Variants in IPO8 observed in about 807,000 individuals in gnomAD.
The protein encoded by IPO8 is importin-8.
A neutral mutation model predicts 141.2 loss-of-function variants in IPO8; 65 were observed. That is an observed-to-expected ratio of 0.46 (90% CI 0.38 to 0.57). The LOEUF (loss-of-function observed/expected upper bound fraction) is 0.57, where lower values mean the gene tolerates loss of function less well. Ranked by LOEUF, IPO8 falls within the 20% of genes least tolerant of loss-of-function variation. The pLI is 0.00. For missense variants in IPO8, 980 were observed against 1,246.8 expected (o/e 0.79, Z 3.22); for synonymous variants, 411 against 420.3 (o/e 0.98, Z 0.27).
intron 20 of IPO8, among the ~76,000 whole-genome samples, chr12:30,644,974 G>A (rs2052625117): frequency 6.6e-6 from 1 of 151,926 alleles, no homozygotes; most frequent in Admixed American, 6.6e-5. Context: ...CTTTGAAAAT[G>A]GCAAATCGGC....
intron 16 of IPO8, among the ~76,000 whole-genome samples, chr12:30,660,656 G>A (rs1259938717): frequency 1.3e-5 from 2 of 152,116 alleles, no homozygotes; most frequent in Non-Finnish European, 2.9e-5. Context: ...GAATTCAGTT[G>A]AGTAAATATG....
At position 30,639,633 on chromosome 12, in the gene IPO8, A is replaced by G; in HGVS notation, c.2371T>C (p.Tyr791His). Residue 791 changes from tyrosine to histidine, a missense_variant, in exon 21 of 25, where the codon TAC (tyrosine) becomes CAC (histidine). Physicochemically the swap from Tyr to His is moderately conservative, Grantham distance 83. Transcript: ENST00000256079. ...MCLQVAIAAL[Y>H]YNPDLLLHTL... ...TGTAGCAGCAAATCAGGGTTGTAGT[A>G]CAAGGCAGCAATTGCAACCTGAAGA... The G allele has an allele frequency of 1.9e-6, 3 of 1,614,062 alleles. No homozygotes were observed. The highest frequency in any genetic ancestry group is 2.5e-6 in the Non-Finnish European group (3 of 1,179,908).
chr12:30,664,952 C>A (rs922827389), intron 13 of IPO8, among the ~76,000 whole-genome samples: 1 of 152,156 alleles, frequency 6.6e-6, no homozygotes, highest in Non-Finnish European at 1.5e-5. Flanking sequence ...GTTGGCCAGG[C>A]TGGTCTCAAA....
chr12:30,693,143 A>G (rs1178867598), intron 1 of IPO8, among the ~76,000 whole-genome samples: 1 of 152,226 alleles, frequency 6.6e-6, no homozygotes, highest in Non-Finnish European at 1.5e-5. Context: ...ATAATTTATT[A>G]AAAGAGGACA....
At chr12:30,662,302 T>A (rs778312765) in intron 15 of IPO8, 25 bp downstream of exon 15, 3 of 1,591,674 alleles carry the variant, frequency 1.9e-6, no homozygotes, top group Non-Finnish European at 2.6e-6. Context: ...CTAAACCAAA[T>A]TAACATAAAA....
At chr12:30,637,251 G>A in intron 21 of IPO8, 64 bp from the exon 22 acceptor site, 1 of 1,231,944 alleles carries the variant, frequency 8.1e-7, no homozygotes, top group Non-Finnish European at 1.2e-6. Context: ...AAATTCTGGA[G>A]AAACTACAAA....
In IPO8 at chr12:30,660,914, T is replaced by C. The variant is rs549340570; in HGVS notation, c.1881+227A>G. Among the ~76,000 whole-genome samples the C allele has an allele frequency of 1.8e-4, 22 of 121,752 alleles. 2 individuals are homozygous for C. The South Asian group carries it at 5.2e-3, about 29-fold the overall frequency. The allele number at this position is 121,752 out of a possible 152,430, so 79.9% of individuals were successfully genotyped here. On this transcript the variant is annotated intron_variant, in intron 16 of 24. Transcript: ENST00000256079. ...CAAGTTAATATAAAGGGATATACTA[T>C]ATACTTTATAATATTTACATTATAA...
At chr12:30,679,481 T>C (rs1335421305) in intron 5 of IPO8, among the ~76,000 whole-genome samples, 1 of 152,156 alleles carries the variant, frequency 6.6e-6, no homozygotes, top group African/African-American at 2.4e-5. Context: ...TGAATATTAT[T>C]TCAAAACAAG....
intron 1 of IPO8, among the ~76,000 whole-genome samples, chr12:30,692,402 G>A (rs1028251457): frequency 2.6e-5 from 4 of 152,002 alleles, no homozygotes; most frequent in African/African-American, 9.7e-5. Context: ...ATATTAACTT[G>A]GCCAGCTAAA....
intron 20 of IPO8, among the ~76,000 whole-genome samples, chr12:30,641,855 C>A (rs762419115): frequency 6.6e-6 from 1 of 151,974 alleles, no homozygotes; most frequent in African/African-American, 2.4e-5. Flanking sequence ...AGAACAGAAT[C>A]GAGTAGGTTA....
intron 22 of IPO8, among the ~76,000 whole-genome samples, chr12:30,636,359 C>T (rs758083998): frequency 6.6e-6 from 1 of 152,048 alleles, no homozygotes; most frequent in Non-Finnish European, 1.5e-5. Context: ...TTCCTAGTCT[C>T]TAGCAAGTAG....
chr12:30,638,766 A>G (rs1321117238), intron 21 of IPO8, among the ~76,000 whole-genome samples: 1 of 152,112 alleles, frequency 6.6e-6, no homozygotes, highest in Non-Finnish European at 1.5e-5. Context: ...TCCCAGGTTC[A>G]TGCCATTCTC....
At chr12:30,648,615 T>C (rs974222814) in intron 20 of IPO8, among the ~76,000 whole-genome samples, 1 of 152,112 alleles carries the variant, frequency 6.6e-6, no homozygotes, top group Non-Finnish European at 1.5e-5. Flanking sequence ...AAAAATTCAA[T>C]TTTACTGGAA....
rs1491502989 is a variant in IPO8 at position 30,671,674 on chromosome 12, C to CAAG, written c.910-579_910-578insCTT. Among the ~76,000 whole-genome samples, 10 of 56,478 alleles carry CAAG rather than the reference C, an allele frequency of 1.8e-4. 1 individual carries two copies. The South Asian group carries it at 2.1e-3, about 12-fold the overall frequency. The allele number at this position is 56,478 out of a possible 152,430, so 37.1% of individuals were successfully genotyped here. ...TGGGTGATAGAGCGAGACTCTGCCT[C>CAAG]AAAAAAAAAAAAAAAAAAAAAAAAA... On this transcript the variant is annotated intron_variant, in intron 8 of 24. Coordinates refer to ENST00000256079, the MANE Select transcript of IPO8 (RefSeq NM_006390.4).
intron 15 of IPO8, 26 bp from the exon 16 acceptor site, chr12:30,661,292 C>A: frequency 6.4e-7 from 1 of 1,560,502 alleles, no homozygotes. Context: ...TAAAGTATTC[C>A]GCAATTAGTA....
intron 10 of IPO8, among the ~76,000 whole-genome samples, chr12:30,666,561 C>T (rs1404487518): frequency 6.6e-6 from 1 of 152,172 alleles, no homozygotes; most frequent in African/African-American, 2.4e-5. Context: ...AACAAAAATT[C>T]ACTCAGCTCT....
intron 5 of IPO8, chr12:30,677,384 A>G: frequency 2.9e-6 from 1 of 339,140 alleles, no homozygotes; most frequent in Non-Finnish European, 5.8e-6. Context: ...TGCCAGCTGT[A>G]TAAAGTATAG....
intron 10 of IPO8, among the ~76,000 whole-genome samples, chr12:30,668,853 G>A (rs1256665693): frequency 6.6e-6 from 1 of 152,180 alleles, no homozygotes; most frequent in Non-Finnish European, 1.5e-5. Context: ...TTTCCCACAT[G>A]AGAACAACCC....
chr12:30,638,103 G>C (rs1376569333), intron 21 of IPO8, among the ~76,000 whole-genome samples: 1 of 152,096 alleles, frequency 6.6e-6, no homozygotes, highest in Admixed American at 6.5e-5. Context: ...CAGAAAAGAG[G>C]ATTATCAAGC....
Sources: gnomAD v4.1 joint callset for allele counts (sites outside exome capture counted in the v4.1 genomes callset) on GRCh38, gnomAD v4.1.1 for gene constraint, MANE v1.5 for transcripts, NCBI Gene and HGNC (gene_info 2026-07-23, HGNC 2026-07-21) for gene names.